The following RYR2 variants were observed in gnomAD, a reference collection of about 807,000 sequenced individuals.
RYR2 encodes ryanodine receptor 2.
A neutral mutation model predicts 601.1 loss-of-function variants in RYR2; 227 were observed. That is an observed-to-expected ratio of 0.38 (90% CI 0.34 to 0.42). RYR2 has a LOEUF of 0.42. Ranked by LOEUF, RYR2 falls within the 10% of genes least tolerant of loss-of-function variation. The pLI is 1.00. For synonymous variants in RYR2, 2,223 were observed against 2,175.1 expected (o/e 1.02, Z -0.61); for missense variants, 4,646 against 6,156.5 (o/e 0.75, Z 8.21).
chr1:237,359,174 G>C (rs10925384), intron 4 of RYR2, among the ~76,000 whole-genome samples: 56,625 of 152,016 alleles, frequency 0.37, 11,004 homozygotes, highest in African/African-American at 0.47. Context: ...TAAACGGGCT[G>C]AGAACACTTA....
chr1:237,280,837 T>G (rs972874428), intron 2 of RYR2, among the ~76,000 whole-genome samples: 1 of 150,644 alleles, frequency 6.6e-6, no homozygotes, highest in Non-Finnish European at 1.5e-5. Context: ...CGGGCTGGAG[T>G]GCAGTGGTGC....
intron 1 of RYR2, among the ~76,000 whole-genome samples, chr1:237,134,329 A>G (rs981048583): frequency 6.6e-6 from 1 of 152,160 alleles, no homozygotes; most frequent in African/African-American, 2.4e-5. Flanking sequence ...TAATCAAGAC[A>G]TACCTGAGAC....
chr1:237,712,911 C>T (rs1291190164), intron 71 of RYR2, among the ~76,000 whole-genome samples: 2 of 152,172 alleles, frequency 1.3e-5, no homozygotes, highest in African/African-American at 4.8e-5. Context: ...AAAATGACTG[C>T]TACTCAGGCA....
intron 1 of RYR2, among the ~76,000 whole-genome samples, chr1:237,141,696 C>T (rs867266306): frequency 1.3e-5 from 2 of 152,170 alleles, no homozygotes; most frequent in African/African-American, 4.8e-5. Context: ...AGAGATCGGC[C>T]CTGCCTGCCA....
chr1:237,416,817 G>A (rs1439270987), intron 10 of RYR2, among the ~76,000 whole-genome samples: 1 of 151,978 alleles, frequency 6.6e-6, no homozygotes, highest in Non-Finnish European at 1.5e-5. Flanking sequence ...AATGGCAAGA[G>A]AGAATATGTT....
chr1:237,090,801 G>A (rs559495822), intron 1 of RYR2, among the ~76,000 whole-genome samples: 136 of 152,288 alleles, frequency 8.9e-4, no homozygotes, highest in African/African-American at 3.1e-3. Flanking sequence ...GAAAATTCAC[G>A]AGACTCTTTT....
intron 38 of RYR2, among the ~76,000 whole-genome samples, chr1:237,618,615 A>G (rs959238852): frequency 4.6e-5 from 7 of 152,162 alleles, no homozygotes; most frequent in African/African-American, 1.7e-4. Context: ...CTCTTTCTAG[A>G]TAAAGGATCA....
chr1:237,312,035 A>T (rs922591756), intron 2 of RYR2, among the ~76,000 whole-genome samples: 4 of 152,194 alleles, frequency 2.6e-5, no homozygotes, highest in African/African-American at 7.2e-5. Flanking sequence ...AATTGCACTG[A>T]TTCTGTTTCA....
intron 14 of RYR2, among the ~76,000 whole-genome samples, chr1:237,449,661 G>A (rs1657838999): frequency 6.6e-6 from 1 of 151,816 alleles, no homozygotes; most frequent in Non-Finnish European, 1.5e-5. Flanking sequence ...CAAGTCTGCT[G>A]GAGATAGACT....
intron 1 of RYR2, among the ~76,000 whole-genome samples, chr1:237,265,336 T>A (rs900675954): frequency 6.6e-6 from 1 of 152,072 alleles, no homozygotes; most frequent in Non-Finnish European, 1.5e-5. Flanking sequence ...GTTTGTTTGT[T>A]TTTTGAGCGG....
chr1:237,235,001 C>T (rs1319015153), intron 1 of RYR2, among the ~76,000 whole-genome samples: 1 of 151,996 alleles, frequency 6.6e-6, no homozygotes, highest in Non-Finnish European at 1.5e-5. Context: ...TGTAGTAACC[C>T]CCCCTGGGGT....
In RYR2 at chr1:237,566,714, G is replaced by C. The variant is rs1333221619; in HGVS notation, c.3362G>C (p.Gly1121Ala). Residue 1121 changes from glycine to alanine, a missense_variant, in exon 28 of 105, where the codon GGT (glycine) becomes GCT (alanine). By Grantham distance (60) the Gly-to-Ala change is moderately conservative. Coordinates refer to ENST00000366574, the MANE Select transcript of RYR2 (RefSeq NM_001035.3). The part of the protein sequence containing the change: ...GDMRVGWSRP[G>A]CQPDQELGSD... The stretch of plus-strand genomic sequence containing the variant: ...ATGAGGGTTGGTTGGAGTCGTCCTG[G>C]TTGTCAACCGGATCAGGAGCTTGGC... 6.2e-7 allele frequency: 1 copy of C among 1,613,818 alleles called. No homozygotes were observed. The highest frequency in any genetic ancestry group is 8.5e-7 in the Non-Finnish European group (1 of 1,179,860).
chr1:237,395,469 G>A lies in RYR2; in HGVS notation c.773+7286G>A, dbSNP rs571574311. Among the ~76,000 whole-genome samples the A allele has an allele frequency of 3.5e-4, 53 of 150,822 alleles. 1 individual carries two copies. In the South Asian group the frequency reaches 0.011, roughly 30 times the overall value. ...CGATTCCTACATGCATTTTAAATACGAGGGTCTAGTCATACACGAACACAA... is the reference window on the plus strand; with the variant it reads ...CGATTCCTACATGCATTTTAAATACAAGGGTCTAGTCATACACGAACACAA... On this transcript the variant is annotated intron_variant, in intron 10 of 104. Coordinates refer to ENST00000366574, the MANE Select transcript of RYR2 (RefSeq NM_001035.3).
chr1:237,299,249 C>A (rs1467170316), intron 2 of RYR2, among the ~76,000 whole-genome samples: 1 of 150,370 alleles, frequency 6.7e-6, no homozygotes, highest in Non-Finnish European at 1.5e-5. Flanking sequence ...CTTCTTTATT[C>A]TCATGGTAGA....
chr1:237,099,543 A>G (rs1667852772), intron 1 of RYR2, among the ~76,000 whole-genome samples: 2 of 152,176 alleles, frequency 1.3e-5, no homozygotes, highest in South Asian at 2.1e-4. Context: ...CAGCCTCTCA[A>G]TAGCCTCTTT....
chr1:237,204,512 A>T (rs892606050), intron 1 of RYR2, among the ~76,000 whole-genome samples: 5 of 151,854 alleles, frequency 3.3e-5, no homozygotes, highest in African/African-American at 4.9e-5. Flanking sequence ...ACAAAAAAAA[A>T]AAAAAAGAAA....
At chr1:237,797,885 T>C (rs766840209) in intron 96 of RYR2, among the ~76,000 whole-genome samples, 152 bp from the exon 97 acceptor site, 12 of 152,216 alleles carry the variant, frequency 7.9e-5, no homozygotes, top group Admixed American at 3.9e-4. Context: ...TTAAGCAGTG[T>C]GATCACAGAA....
chr1:237,429,896 AG>A (rs1223379181), intron 12 of RYR2, among the ~76,000 whole-genome samples: 1 of 152,070 alleles, frequency 6.6e-6, no homozygotes, highest in Non-Finnish European at 1.5e-5. Flanking sequence ...AAAATGGAAA[AG>A]TCACACATTT....
chr1:237,548,177 CT>C (rs1670017103), intron 25 of RYR2, among the ~76,000 whole-genome samples: 1 of 152,176 alleles, frequency 6.6e-6, no homozygotes, highest in Non-Finnish European at 1.5e-5. Context: ...CTTTTCATCT[CT>C]GAGAGACAGG....
Sources: gnomAD v4.1 joint callset for allele counts (sites outside exome capture counted in the v4.1 genomes callset) on GRCh38, gnomAD v4.1.1 for gene constraint, MANE v1.5 for transcripts, NCBI Gene and HGNC (gene_info 2026-07-23, HGNC 2026-07-21) for gene names.